Variants in SND1 observed in about 807,000 individuals in gnomAD.
The protein encoded by SND1 is staphylococcal nuclease and tudor domain containing 1.
Under a neutral mutation model 121.7 loss-of-function variants are expected in SND1, and 38 were observed. The ratio of observed to expected loss-of-function variants is 0.31; its 90% CI spans 0.24 to 0.41. The LOEUF is 0.41. SND1 is among the 10% of genes least tolerant of loss of function. The pLI is 1.00. For missense variants in SND1, 868 were observed against 1,184.6 expected, an observed-to-expected ratio of 0.73 and a Z score of 3.92; for synonymous variants, 401 against 447.4, an observed-to-expected ratio of 0.90 and a Z score of 1.31.
intron 16 of SND1, among the ~76,000 whole-genome samples, chr7:128,069,775 T>A (rs1387019693): frequency 1.3e-5 from 2 of 152,140 alleles, no homozygotes; most frequent in African/African-American, 4.8e-5. Context: ...TTACAGTAAA[T>A]AGAGGCACGG....
intron 17 of SND1, among the ~76,000 whole-genome samples, chr7:128,077,126 C>T (rs1018829819): frequency 3.3e-5 from 5 of 152,226 alleles, no homozygotes; most frequent in African/African-American, 9.6e-5. Context: ...TTTTATTGAG[C>T]TTGGCTTCCC....
At chr7:127,881,500 G>A (rs957980427) in intron 12 of SND1, among the ~76,000 whole-genome samples, 1 of 151,920 alleles carries the variant, frequency 6.6e-6, no homozygotes, top group African/African-American at 2.4e-5. Flanking sequence ...TCTACTTATG[G>A]GCACCAAATA....
chr7:128,004,017 A>G lies in SND1; in HGVS notation c.1779+12961A>G, dbSNP rs557176696. On this transcript the variant is annotated intron_variant, in intron 16 of 23. Coordinates refer to ENST00000354725, the MANE Select transcript of SND1 (RefSeq NM_014390.4). ...CTCAGCATTTCCACTCTAACACATC[A>G]GCAGCTTTGTAACTTACTTTCTTTT... Among the ~76,000 whole-genome samples, 4 of 149,528 alleles carry G rather than the reference A, an allele frequency of 2.7e-5. No homozygotes were observed. The South Asian group carries it at 8.5e-4, about 32-fold the overall frequency.
intron 11 of SND1, among the ~76,000 whole-genome samples, chr7:127,811,503 C>T (rs879631202): frequency 2.6e-5 from 4 of 152,136 alleles, no homozygotes; most frequent in Non-Finnish European, 5.9e-5. Flanking sequence ...TTATTCCAGT[C>T]CCTCACCCAC....
At chr7:128,036,179 T>A (rs1280570263) in intron 16 of SND1, among the ~76,000 whole-genome samples, 1 of 150,092 alleles carries the variant, frequency 6.7e-6, no homozygotes, top group Non-Finnish European at 1.5e-5. Flanking sequence ...AGTCACTGCC[T>A]TCTTTCCAAG....
intron 13 of SND1, among the ~76,000 whole-genome samples, chr7:127,897,494 A>C (rs1584650028): frequency 6.6e-6 from 1 of 152,262 alleles, no homozygotes; most frequent in African/African-American, 2.4e-5. Context: ...TAGTTACAAA[A>C]ATGGAGAATA....
intron 13 of SND1, among the ~76,000 whole-genome samples, chr7:127,897,369 C>T (rs10268204): frequency 1.3e-5 from 2 of 152,116 alleles, no homozygotes; most frequent in Admixed American, 6.6e-5. Context: ...TTAAAGTTTT[C>T]TGTAACTGAT....
intron 12 of SND1, among the ~76,000 whole-genome samples, chr7:127,871,565 T>C (rs1408589374): frequency 6.6e-6 from 1 of 152,190 alleles, no homozygotes; most frequent in Non-Finnish European, 1.5e-5. Flanking sequence ...TGACTGTATG[T>C]AAATGTGAAG....
intron 15 of SND1, among the ~76,000 whole-genome samples, chr7:127,968,039 G>C (rs191278197): frequency 6.6e-6 from 1 of 152,172 alleles, no homozygotes; most frequent in Non-Finnish European, 1.5e-5. Flanking sequence ...GCTCTGCGAG[G>C]TTATTAATTG....
At chr7:127,993,157 C>G (rs1802557811) in intron 16 of SND1, among the ~76,000 whole-genome samples, 3 of 152,212 alleles carry the variant, frequency 2.0e-5, no homozygotes. Flanking sequence ...ATTCAAAAAT[C>G]TGACTAAAAG....
chr7:127,866,177 G>A (rs1245785480), intron 12 of SND1, among the ~76,000 whole-genome samples: 5 of 152,142 alleles, frequency 3.3e-5, no homozygotes, highest in Non-Finnish European at 5.9e-5. Flanking sequence ...TACTGAGCTC[G>A]AAGAGAAGCC....
intron 1 of SND1, among the ~76,000 whole-genome samples, chr7:127,661,455 C>G (rs1393516827): frequency 6.6e-6 from 1 of 152,176 alleles, no homozygotes; most frequent in East Asian, 1.9e-4. Flanking sequence ...TCTGTTCTTG[C>G]AATCCTGAGG....
chr7:127,749,216 G>A (rs1261468038), intron 10 of SND1, among the ~76,000 whole-genome samples: 3 of 151,834 alleles, frequency 2.0e-5, no homozygotes, highest in Non-Finnish European at 4.4e-5. Flanking sequence ...GTAGAGATGG[G>A]GTCTCACCAT....
intron 14 of SND1, chr7:127,927,975 GA>G (rs1426840484): frequency 6.6e-6 from 1 of 152,128 alleles, no homozygotes; most frequent in Non-Finnish European, 1.5e-5. Flanking sequence ...CTGAAAACCT[GA>G]AACTCTAAAA....
At chr7:127,692,505 G>T (rs1795939412) in intron 2 of SND1, 1 of 152,174 alleles carries the variant, frequency 6.6e-6, no homozygotes, top group Non-Finnish European at 1.5e-5. Flanking sequence ...CCATCAGATA[G>T]TCCTCTGCCT....
At chr7:127,916,303 G>A (rs1800578755) in intron 14 of SND1, among the ~76,000 whole-genome samples, 1 of 152,076 alleles carries the variant, frequency 6.6e-6, no homozygotes, top group African/African-American at 2.4e-5. Flanking sequence ...GTCAAGGAAG[G>A]GAAGTGAAAT....
chr7:128,034,821 A>C (rs753748126), intron 16 of SND1, among the ~76,000 whole-genome samples: 5 of 152,222 alleles, frequency 3.3e-5, no homozygotes, highest in African/African-American at 1.2e-4. Context: ...CCGTCGTTGC[A>C]CACAGCCCTT....
At chr7:127,858,356 G>C in intron 12 of SND1, 1 of 1,353,630 alleles carries the variant, frequency 7.4e-7, no homozygotes. Flanking sequence ...ATGCCTCAGT[G>C]CCCTAGCCAC....
chr7:127,933,067 A>G (rs1006371372), intron 15 of SND1, among the ~76,000 whole-genome samples: 2 of 152,218 alleles, frequency 1.3e-5, no homozygotes, highest in African/African-American at 4.8e-5. Flanking sequence ...AAAGAGAAAC[A>G]GTATTATTCT....
Sources: allele counts gnomAD v4.1 joint callset (sites outside exome capture counted in the v4.1 genomes callset), GRCh38; gene constraint gnomAD v4.1.1; transcripts MANE v1.5; gene names NCBI Gene and HGNC (gene_info 2026-07-23, HGNC 2026-07-21).